SDR16C5: variants seen among roughly 807,000 people sequenced by gnomAD.
SDR16C5 encodes the protein short chain dehydrogenase/reductase family 16C member 5.
SDR16C5 carries 20 observed loss-of-function variants against 27.7 expected under a neutral mutation model. The observed-to-expected ratio is 0.72, with a 90% CI of 0.51 to 1.05. SDR16C5 has a LOEUF of 1.05. SDR16C5 is among the 50% of genes least tolerant of loss of function. The probability of loss-of-function intolerance (pLI) is 0.00; values close to 1 mark genes in which losing one functional copy is unlikely to be tolerated. For synonymous variants in SDR16C5, 139 were observed against 132.3 expected (o/e 1.05, Z -0.35); for missense variants, 374 against 366.3 (o/e 1.02, Z -0.17).
rs369140352 is a variant in SDR16C5 at position 56,310,618 on chromosome 8, T to C, written c.465+1539A>G. On this transcript the variant is annotated intron_variant, in intron 3 of 6. Transcript: ENST00000303749. ...CCATAGTCCCAGATACCTGGGAGGC[T>C]GAGGTAGGAGAATTGCTTGAACCCG... 3.8e-4 allele frequency among the ~76,000 whole-genome samples: 58 copies of C among 151,160 alleles called. 1 individual carries two copies. The South Asian group carries it at 0.012, about 31-fold the overall frequency.
chr8:56,309,004 A>C lies in SDR16C5; in HGVS notation c.489T>G (p.Ala163=). ...HLWTYKAFLP[A]MIANDHGHLV... ...AATGTCCATGGTCATTAGCAATCAT[A>C]GCAGGTAGAAAGGCTTTATAAGTCT... is the stretch of plus-strand genomic sequence containing the variant. The change falls in exon 4 of 7, where the codon GCT becomes GCG. Residue 163 remains alanine, a synonymous_variant. Transcript: ENST00000303749. The C allele has an allele frequency of 6.2e-7, 1 of 1,611,714 alleles. No homozygotes were observed. The highest frequency in any genetic ancestry group is 8.5e-7 in the Non-Finnish European group (1 of 1,178,974).
At chr8:56,315,444 A>G (rs1815165260) in intron 2 of SDR16C5, among the ~76,000 whole-genome samples, 1 of 152,170 alleles carries the variant, frequency 6.6e-6, no homozygotes, top group Non-Finnish European at 1.5e-5. Flanking sequence ...CTTAAGAGCA[A>G]TACACATTCG....
rs773166011 is a variant in SDR16C5, at chr8:56,312,167, G to T, written c.455C>A (p.Ala152Glu). 2 of 1,611,864 alleles carry T rather than the reference G, an allele frequency of 1.2e-6. No individual in the cohort carries two copies. The highest frequency in any genetic ancestry group is 1.1e-5 in the South Asian group (1 of 90,964). Residue 152 changes from alanine to glutamate, a missense_variant, in exon 3 of 7, where the codon GCA (alanine) becomes GAA (glutamate). By Grantham distance (107) the Ala-to-Glu change is moderately radical (BLOSUM62 -1). Transcript: ENST00000303749. ...AGAAACAATTATTACCCATAAATGT[G>T]CTTTGAAATTCACATCAAATGACTT... ...MEKSFDVNFK[A>E]HLWTYKAFLP...
intron 2 of SDR16C5, among the ~76,000 whole-genome samples, chr8:56,312,960 T>A (rs1244188343): frequency 6.6e-6 from 1 of 152,110 alleles, no homozygotes; most frequent in South Asian, 2.1e-4. Context: ...GTATTTTTAG[T>A]AGAGACAGGT....
intron 6 of SDR16C5, among the ~76,000 whole-genome samples, chr8:56,303,314 TA>T (rs11339876): frequency 0.19 from 25,762 of 136,024 alleles, 2,352 homozygotes; most frequent in African/African-American, 0.26. Context: ...ACTCCATCTT[TA>T]AAAAAAAAAA....
In SDR16C5 at chr8:56,307,832, C is replaced by T. The variant is rs114991063; in HGVS notation, c.566-1012G>A. 4.9e-3 allele frequency among the ~76,000 whole-genome samples: 750 copies of T among 152,280 alleles called. 9 individuals are homozygous for T. The highest frequency in any genetic ancestry group is 0.017 in the African/African-American group (718 of 41,558). Reference sequence around the variant, plus strand: ...TGGTTCTGATGCAGGGGAGTAAAGACTCACACGGTGGGAAATACAAAAGGC... The same window carrying T: ...TGGTTCTGATGCAGGGGAGTAAAGATTCACACGGTGGGAAATACAAAAGGC... On this transcript the variant is annotated intron_variant, in intron 4 of 6. Transcript: ENST00000303749.
chr8:56,314,184 C>A (rs755648372), intron 2 of SDR16C5, among the ~76,000 whole-genome samples: 1 of 145,736 alleles, frequency 6.9e-6, no homozygotes, highest in Non-Finnish European at 1.5e-5. Context: ...TCCAGCCTGG[C>A]GACAGAGCAA....
At chr8:56,307,931 G>T (rs185469370) in intron 4 of SDR16C5, among the ~76,000 whole-genome samples, 62 of 152,264 alleles carry the variant, frequency 4.1e-4, no homozygotes, top group African/African-American at 1.4e-3. Flanking sequence ...TGTCTGAAAA[G>T]GATTGATAAG....
At chr8:56,316,968 T>G (rs559814714) in intron 1 of SDR16C5, among the ~76,000 whole-genome samples, 19 of 152,298 alleles carry the variant, frequency 1.2e-4, no homozygotes, top group Admixed American at 1.0e-3. Context: ...CAGCACCAGA[T>G]AGCCCTTCCC....
chr8:56,300,286 G>T lies in SDR16C5; in HGVS notation c.*1194C>A, dbSNP rs1414255438. ...GTGGATTCCAGAGTTTACACCCCCT[G>T]AGACTGCTGCCCCTATGACAGCATT... is the stretch of plus-strand genomic sequence containing the variant. On this transcript the variant is annotated 3_prime_UTR_variant, in exon 7 of 7. Coordinates refer to ENST00000303749, the MANE Select transcript of SDR16C5 (RefSeq NM_138969.4). The T allele has an allele frequency of 6.6e-6, 1 of 151,810 alleles. No homozygotes were observed. The highest frequency in any genetic ancestry group is 1.9e-4 in the East Asian group (1 of 5,180). The allele number at this position is 151,810 out of a possible 1,614,324, so 9.4% of individuals were successfully genotyped here. A position where few individuals can be genotyped will look rare whatever the true frequency, so the allele number is the denominator to read the frequency against.
rs1241961479 is a variant in SDR16C5 at position 56,300,232 on chromosome 8, T to C, written c.*1248A>G. On this transcript the variant is annotated 3_prime_UTR_variant, in exon 7 of 7. Coordinates refer to ENST00000303749, the MANE Select transcript of SDR16C5 (RefSeq NM_138969.4). The stretch of plus-strand genomic sequence containing the variant: ...GGAAATACAGATCAGGGCTGTCATG[T>C]TCGTGCAGGCCACTCAAGGTAAACC... 6.6e-6 allele frequency: 1 copy of C among 152,128 alleles called. No homozygotes were observed. The highest frequency in any genetic ancestry group is 1.9e-4 in the East Asian group (1 of 5,188). The allele number at this position is 152,128 out of a possible 1,614,324, so 9.4% of individuals were successfully genotyped here.
intron 1 of SDR16C5, 69 bp from the exon 2 acceptor site, chr8:56,316,430 G>A (rs1310100922): frequency 1.2e-5 from 12 of 966,266 alleles, no homozygotes; most frequent in African/African-American, 4.9e-5. Flanking sequence ...ACTCCACGGA[G>A]CTCCTATTTT....
Position 56,314,512 on chromosome 8 carries a change from C to T in SDR16C5, c.333+1503G>A, listed in dbSNP as rs148968043. Among the ~76,000 whole-genome samples the T allele has an allele frequency of 1.0e-3, 153 of 152,266 alleles. 1 individual carries two copies. The highest frequency in any genetic ancestry group is 3.1e-3 in the African/African-American group (128 of 41,540). On this transcript the variant is annotated intron_variant, in intron 2 of 6. Coordinates refer to ENST00000303749, the MANE Select transcript of SDR16C5 (RefSeq NM_138969.4). The stretch of plus-strand genomic sequence containing the variant: ...CAATCTTCATCGTTTGAACATCAAC[C>T]GGTTATTGCTTAAGGCTGGCCAGAT...
chr8:56,314,934 A>C (rs993084089), intron 2 of SDR16C5, among the ~76,000 whole-genome samples: 1 of 152,162 alleles, frequency 6.6e-6, no homozygotes, highest in African/African-American at 2.4e-5. Context: ...TGAAGTACTC[A>C]AGCCAATATG....
rs1167007641 is a variant in SDR16C5 at position 56,316,014 on chromosome 8, C to T, written c.333+1G>A. ...TATAATAGTAAACACACAAGAGTTACCTGGTCGGCTACTCTATACACTCCT... is the reference window on the plus strand; with the variant it reads ...TATAATAGTAAACACACAAGAGTTATCTGGTCGGCTACTCTATACACTCCT... On this transcript the variant is annotated splice_donor_variant, in intron 2 of 6. Transcript: ENST00000303749. LOFTEE classifies it high-confidence loss of function. 6.2e-7 allele frequency: 1 copy of T among 1,604,116 alleles called. No homozygotes were observed. The highest frequency in any genetic ancestry group is 1.7e-5 in the Admixed American group (1 of 59,620).
intron 2 of SDR16C5, among the ~76,000 whole-genome samples, chr8:56,314,829 T>C (rs530587161): frequency 6.6e-6 from 1 of 152,324 alleles, no homozygotes; most frequent in Admixed American, 6.5e-5. Context: ...CTTTACAATG[T>C]AGTCAGGCTG....
Position 56,301,412 on chromosome 8 carries a change from C to T in SDR16C5, c.*68G>A, listed in dbSNP as rs368183095. ...TATATTCCACTGTCAGACAAAAATA[C>T]TTTTCTTCATTGAAGTACGCATTAT... On this transcript the variant is annotated 3_prime_UTR_variant, in exon 7 of 7. Coordinates refer to ENST00000303749, the MANE Select transcript of SDR16C5 (RefSeq NM_138969.4). 25 of 1,103,794 alleles carry T rather than the reference C, an allele frequency of 2.3e-5. No homozygotes were observed. In the African/African-American group the frequency reaches 2.3e-4, roughly 10 times the overall value. The allele number at this position is 1,103,794 out of a possible 1,614,324, so 68.4% of individuals were successfully genotyped here.
At chr8:56,318,517 G>A (rs1815255881) in intron 1 of SDR16C5, among the ~76,000 whole-genome samples, 1 of 152,104 alleles carries the variant, frequency 6.6e-6, no homozygotes, top group Admixed American at 6.5e-5. Context: ...CCTGGGCGTC[G>A]CCAACTTTGG....
At chr8:56,314,624 A>C (rs1329550206) in intron 2 of SDR16C5, among the ~76,000 whole-genome samples, 1 of 152,238 alleles carries the variant, frequency 6.6e-6, no homozygotes, top group East Asian at 1.9e-4. Flanking sequence ...TGTGCTTGGA[A>C]GAGTGGGCCC....
Sources: allele counts gnomAD v4.1 joint callset (sites outside exome capture counted in the v4.1 genomes callset), GRCh38; gene constraint gnomAD v4.1.1; transcripts MANE v1.5; gene names NCBI Gene and HGNC (gene_info 2026-07-23, HGNC 2026-07-21).